Variants in PPFIBP2 observed in about 807,000 individuals in gnomAD.
The protein encoded by PPFIBP2 is PPFIB scaffold protein 2, also known as liprin-beta-2.
Under a neutral mutation model 118.3 loss-of-function variants are expected in PPFIBP2, and 118 were observed. The ratio of observed to expected loss-of-function variants is 1.00; its 90% CI spans 0.86 to 1.16. PPFIBP2 has a LOEUF of 1.16. PPFIBP2 is among the 50% of genes most tolerant of loss of function. PPFIBP2 has a pLI of 0.00. For missense variants in PPFIBP2, 1,195 were observed against 1,073.1 expected (o/e 1.11, Z -1.59); for synonymous variants, 414 against 397.4 (o/e 1.04, Z -0.50).
intron 3 of PPFIBP2, 114 bp from the exon 4 acceptor site, chr11:7,593,018 A>G: frequency 2.1e-6 from 3 of 1,426,814 alleles, no homozygotes; most frequent in Middle Eastern, 1.9e-4. Flanking sequence ...GGTTTTGTAC[A>G]TATAATCAGT....
In PPFIBP2 at chr11:7,632,909, T is replaced by C. The variant is rs776254166; in HGVS notation, c.1111T>C (p.Leu371=). 7.9e-5 allele frequency: 127 copies of C among 1,613,776 alleles called. No individual in the cohort carries two copies. Among genetic ancestry groups the C allele is most frequent in the Non-Finnish European group, 9.7e-5 (114 of 1,179,828 alleles). The change falls in exon 12 of 24, where the codon TTG becomes CTG. Residue 371 remains leucine (L), a synonymous_variant. Transcript: ENST00000299492. ...CSSPTVGPPP[L]PQKSLETRAQ... is the part of the protein sequence containing the mutation. ...CTCTCCTACAGTGGGGCCACCTCCA[T>C]TGCCACAGAAATCACTGGAAACCAG...
intron 14 of PPFIBP2, among the ~76,000 whole-genome samples, chr11:7,635,941 G>A (rs546205668): frequency 6.6e-6 from 1 of 152,226 alleles, no homozygotes; most frequent in East Asian, 1.9e-4. Flanking sequence ...TTTCTGTGCT[G>A]ATATGTCATG....
downstream of PPFIBP2, among the ~76,000 whole-genome samples, chr11:7,660,412 T>G (rs1272336185): frequency 3.7e-5 from 5 of 133,686 alleles, 1 homozygote; most frequent in Non-Finnish European, 6.8e-5. Context: ...ATAATCGTGG[T>G]TTTTGTCCTT....
downstream of PPFIBP2, among the ~76,000 whole-genome samples, chr11:7,657,355 C>T (rs191839938): frequency 4.6e-5 from 7 of 152,216 alleles, no homozygotes; most frequent in Non-Finnish European, 7.4e-5. Context: ...AGGCTCCTTA[C>T]CCACAGCACT....
At chr11:7,654,316 G>A (rs542854630), downstream of PPFIBP2, among the ~76,000 whole-genome samples, 55 of 152,320 alleles carry the variant, frequency 3.6e-4, 1 homozygote, top group South Asian at 9.3e-3. Flanking sequence ...CTGAGGTAGA[G>A]ATGTGCCTTG....
Position 7,651,846 on chromosome 11 carries a change from T to C in PPFIBP2, c.2436+2T>C. ...CTGACCACCACAGCCAAAGTCCGGG[T>C]GAGTTGCAGAGCCTTTCTGGGTGGG... On this transcript the variant is annotated splice_donor_variant, in intron 23 of 23. Transcript: ENST00000299492. LOFTEE classifies it high-confidence loss of function. The C allele has an allele frequency of 6.2e-7, 1 of 1,606,564 alleles. No homozygotes were observed. The highest frequency in any genetic ancestry group is 8.5e-7 in the Non-Finnish European group (1 of 1,174,092).
rs1590329769 is a variant in PPFIBP2 at position 7,577,374 on chromosome 11, A to T, written c.279+11607A>T. The T allele has an allele frequency of 6.4e-5, 21 of 326,166 alleles. 3 individuals are homozygous for T. The highest frequency in any genetic ancestry group is 4.6e-4 in the South Asian group (20 of 43,044). The allele number at this position is 326,166 out of a possible 1,614,324, so 20.2% of individuals were successfully genotyped here. A position where few individuals can be genotyped will look rare whatever the true frequency, so the allele number is the denominator to read the frequency against. On this transcript the variant is annotated intron_variant, in intron 3 of 23. Coordinates refer to ENST00000299492, the MANE Select transcript of PPFIBP2 (RefSeq NM_003621.5). The stretch of plus-strand genomic sequence containing the variant: ...GTGTTTGTTGGGGTGGTCGGGGAGG[A>T]CACTGAAGCAGCACGGTCTGCTCTG...
chr11:7,596,918 C>T (rs918566020), intron 4 of PPFIBP2, among the ~76,000 whole-genome samples: 18 of 152,128 alleles, frequency 1.2e-4, no homozygotes, highest in African/African-American at 4.3e-4. Context: ...GGATTCTCAG[C>T]GTTCTTCAGA....
At chr11:7,639,625 G>A in intron 14 of PPFIBP2, 107 bp from the exon 15 acceptor site, 1 of 1,423,510 alleles carries the variant, frequency 7.0e-7, no homozygotes, top group Non-Finnish European at 9.8e-7. Context: ...GTCACCATAT[G>A]TGAAAAATGG....
In PPFIBP2 at chr11:7,616,625, T is replaced by A. The variant is rs1351654139; in HGVS notation, c.619-4310T>A. 1.3e-5 allele frequency among the ~76,000 whole-genome samples: 2 copies of A among 152,218 alleles called. No homozygotes were observed. The highest frequency in any genetic ancestry group is 4.8e-5 in the African/African-American group (2 of 41,452). On this transcript the variant is annotated intron_variant, in intron 6 of 23. Coordinates refer to ENST00000299492, the MANE Select transcript of PPFIBP2 (RefSeq NM_003621.5). This position sits in a 1 kb window ranked among gnomAD's most constrained non-coding sequence, Gnocchi z 5.2. ...ATACTGAAATAGGCATATTGATGCCTGAGTTCAGGGTTTGGGTACATATTG... is the reference window on the plus strand; with the variant it reads ...ATACTGAAATAGGCATATTGATGCCAGAGTTCAGGGTTTGGGTACATATTG...
At chr11:7,666,001 G>A in the PPFIBP2 span, 4 of 1,219,536 alleles carry the variant, frequency 3.3e-6, no homozygotes, top group Non-Finnish European at 4.7e-6. Flanking sequence ...GGTGCTCTGT[G>A]CACAGTGGTT....
intron 6 of PPFIBP2, chr11:7,617,413 C>A (rs1277316279): frequency 3.4e-6 from 2 of 592,230 alleles, no homozygotes; most frequent in African/African-American, 4.0e-5. Context: ...TCTGTTGTTA[C>A]CTCTGGGCAG....
intron 2 of PPFIBP2, among the ~76,000 whole-genome samples, chr11:7,554,079 AAC>A (rs1254140097): frequency 6.6e-6 from 1 of 152,218 alleles, no homozygotes; most frequent in African/African-American, 2.4e-5. Flanking sequence ...TTTTTGTGTG[AAC>A]ATTTAAATCT....
chr11:7,568,881 T>C (rs981464365), intron 3 of PPFIBP2: 1 of 152,198 alleles, frequency 6.6e-6, no homozygotes, highest in East Asian at 1.9e-4. Flanking sequence ...TTAAAGACTT[T>C]TAATTTATTC....
intron 2 of PPFIBP2, 131 bp from the exon 3 acceptor site, chr11:7,565,422 C>T (rs547008466): frequency 2.3e-5 from 21 of 909,292 alleles, no homozygotes; most frequent in African/African-American, 1.5e-4. Context: ...AGGCGTGCAC[C>T]GCCATGCCCA....
chr11:7,542,864 G>A (rs1374524160), intron 1 of PPFIBP2, among the ~76,000 whole-genome samples: 2 of 152,198 alleles, frequency 1.3e-5, no homozygotes, highest in Non-Finnish European at 2.9e-5. Flanking sequence ...GGTTCAGCCT[G>A]CAATGTTTAC....
chr11:7,618,726 C>T (rs554838803), intron 6 of PPFIBP2, among the ~76,000 whole-genome samples: 1 of 152,010 alleles, frequency 6.6e-6, no homozygotes, highest in African/African-American at 2.4e-5. Flanking sequence ...GGATTACAGG[C>T]ACTTGCCACC....
chr11:7,625,923 G>T (rs772093196), intron 8 of PPFIBP2, 32 bp downstream of exon 8: 5 of 1,577,018 alleles, frequency 3.2e-6, no homozygotes, highest in Non-Finnish European at 4.4e-6. Context: ...AAATGCAGTT[G>T]TCTGGGTCCC....
chr11:7,533,405 A>G (rs947498242), intron 1 of PPFIBP2, among the ~76,000 whole-genome samples: 2 of 152,178 alleles, frequency 1.3e-5, no homozygotes, highest in African/African-American at 4.8e-5. Flanking sequence ...GTCAACAAAC[A>G]TTTACTGAAG....
Sources: gnomAD v4.1 joint callset for allele counts (sites outside exome capture counted in the v4.1 genomes callset) on GRCh38, gnomAD v4.1.1 for gene constraint, Gnocchi (gnomAD v3.1) non-coding constraint, MANE v1.5 for transcripts, NCBI Gene and HGNC (gene_info 2026-07-23, HGNC 2026-07-21) for gene names.